SLC16A14: variants seen among roughly 807,000 people sequenced by gnomAD.
SLC16A14 encodes the protein solute carrier family 16 member 14.
In SLC16A14, 14 loss-of-function variants were observed where a neutral mutation model predicts 35.8. The ratio of observed to expected loss-of-function variants is 0.39; its 90% CI spans 0.26 to 0.61. SLC16A14 has a LOEUF of 0.61. Ranked by LOEUF, SLC16A14 falls within the 20% of genes least tolerant of loss-of-function variation. The pLI is 0.51. For synonymous variants in SLC16A14, 248 were observed against 258.9 expected (o/e 0.96, Z 0.40); for missense variants, 533 against 655.0 (o/e 0.81, Z 2.03).
At chr2:230,059,948 T>C (rs770712444) in intron 1 of SLC16A14, among the ~76,000 whole-genome samples, 7 of 152,188 alleles carry the variant, frequency 4.6e-5, no homozygotes, top group Non-Finnish European at 1.0e-4. Flanking sequence ...TAAGTCCAAT[T>C]GATTACAATG....
chr2:230,067,696 CT>C (rs2106286857), intron 1 of SLC16A14, among the ~76,000 whole-genome samples: 1 of 152,336 alleles, frequency 6.6e-6, no homozygotes, highest in Non-Finnish European at 1.5e-5. Flanking sequence ...CCCGAATCAA[CT>C]TTTCCTCAGA....
At chr2:230,065,338 C>A (rs1377509383) in intron 1 of SLC16A14, among the ~76,000 whole-genome samples, 4 of 151,992 alleles carry the variant, frequency 2.6e-5, no homozygotes, top group Admixed American at 2.0e-4. Flanking sequence ...CTCATTGCAA[C>A]CTCTACCTTC....
intron 3 of SLC16A14, among the ~76,000 whole-genome samples, chr2:230,047,307 C>CTTTTTT (rs56262602): frequency 2.7e-5 from 3 of 110,336 alleles, no homozygotes; most frequent in Non-Finnish European, 5.4e-5. Context: ...TATCTGACTT[C>CTTTTTT]TTTTTTTTTT....
At chr2:230,066,168 G>T (rs2077793391) in intron 1 of SLC16A14, among the ~76,000 whole-genome samples, 1 of 152,104 alleles carries the variant, frequency 6.6e-6, no homozygotes, top group South Asian at 2.1e-4. Flanking sequence ...AGCCAGTGTG[G>T]TGGTGCGCAC....
At chr2:230,039,534 G>A (rs2077543373) in intron 4 of SLC16A14, among the ~76,000 whole-genome samples, 1 of 152,206 alleles carries the variant, frequency 6.6e-6, no homozygotes, top group African/African-American at 2.4e-5. Context: ...GTTGGCAACT[G>A]TGGACCATTG....
chr2:230,052,716 A>C (rs952941597), intron 2 of SLC16A14, among the ~76,000 whole-genome samples: 2 of 152,182 alleles, frequency 1.3e-5, no homozygotes, highest in African/African-American at 2.4e-5. Context: ...TAACTGCTAA[A>C]AACATTAACT....
intron 4 of SLC16A14, 78 bp downstream of exon 4, chr2:230,045,667 C>G: frequency 6.7e-7 from 1 of 1,503,336 alleles, no homozygotes. Context: ...TGGAAACCTT[C>G]TTCTTTATCT....
At chr2:230,060,454 C>T (rs781710876) in intron 1 of SLC16A14, among the ~76,000 whole-genome samples, 25 of 152,250 alleles carry the variant, frequency 1.6e-4, no homozygotes, top group African/African-American at 9.6e-5. Flanking sequence ...AGGGATCTCC[C>T]ACTTCAGCCT....
rs564205806 is a variant in SLC16A14, at chr2:230,056,373, G to A, written c.259+2721C>T. 4.6e-4 allele frequency among the ~76,000 whole-genome samples: 69 copies of A among 150,290 alleles called. 2 individuals carry two copies. The highest frequency in any genetic ancestry group is 1.6e-3 in the African/African-American group (64 of 40,930). On this transcript the variant is annotated intron_variant, in intron 2 of 4. Transcript: ENST00000295190. ...GGGTTCAAGCAATTCTCCTGCCTCAGCCTCCCGAGTAGCTGGGACTACAGG... is the reference window on the plus strand; with the variant it reads ...GGGTTCAAGCAATTCTCCTGCCTCAACCTCCCGAGTAGCTGGGACTACAGG...
intron 3 of SLC16A14, among the ~76,000 whole-genome samples, chr2:230,049,356 AGGCGTGAGCTACTGCCCCT>A (rs2077637868): frequency 6.6e-6 from 1 of 151,868 alleles, no homozygotes; most frequent in African/African-American, 2.4e-5. Context: ...TTGGGATTAC[AGGCGTGAGCTACTGCCCCT>A]GGCCTATTAT....
intron 2 of SLC16A14, among the ~76,000 whole-genome samples, chr2:230,052,354 T>C (rs2077668341): frequency 6.6e-6 from 1 of 152,246 alleles, no homozygotes; most frequent in Non-Finnish European, 1.5e-5. Flanking sequence ...GAAATTCACA[T>C]ACCGTAAGTT....
At position 230,049,798 on chromosome 2, in the gene SLC16A14, G is replaced by A. The variant is rs1462538607; in HGVS notation, c.366C>T (p.Asn122=). 4 of 1,614,024 alleles carry A rather than the reference G, an allele frequency of 2.5e-6. No homozygotes were observed. The highest frequency in any genetic ancestry group is 1.3e-5 in the African/African-American group (1 of 74,912). ...CAAAAGTAATGAAGAGATAATGCAC[G>A]TTTGCAGCATAGGCACTCAACACCC... The part of the protein sequence containing the change: ...LGWVLSAYAA[N]VHYLFITFGV... The change falls in exon 3 of 5, where the codon AAC becomes AAT. Residue 122 remains asparagine (N), a synonymous_variant. Transcript: ENST00000295190.
At chr2:230,041,096 A>G (rs1457782443) in intron 4 of SLC16A14, among the ~76,000 whole-genome samples, 1 of 152,182 alleles carries the variant, frequency 6.6e-6, no homozygotes, top group African/African-American at 2.4e-5. Flanking sequence ...TTCCCTGTTA[A>G]AGTGCATTTT....
intron 4 of SLC16A14, among the ~76,000 whole-genome samples, chr2:230,042,961 G>A (rs117259342): frequency 6.6e-5 from 10 of 152,270 alleles, no homozygotes; most frequent in East Asian, 5.8e-4. Context: ...TGTCTGAGAC[G>A]TTGCCCCAAT....
At chr2:230,039,639 T>TA (rs34373392) in intron 4 of SLC16A14, among the ~76,000 whole-genome samples, 10 of 152,252 alleles carry the variant, frequency 6.6e-5, no homozygotes, top group East Asian at 3.9e-4. Context: ...TCTACAATTT[T>TA]AAAAAAATCA....
At position 230,045,887 on chromosome 2, in the gene SLC16A14, C is replaced by A. The variant is rs376533591; in HGVS notation, c.1239G>T (p.Ala413=). 2.1e-5 allele frequency: 34 copies of A among 1,612,866 alleles called. No homozygotes were observed. In the East Asian group the frequency reaches 6.7e-4, roughly 32 times the overall value. The change falls in exon 4 of 5, where the codon GCG becomes GCT. Residue 413 remains alanine, a synonymous_variant. Transcript: ENST00000295190. ...HTYAGLAVIC[A]LIGFSSGYFS... ...AATAACCACTGGAAAACCCTATCAG[C>A]GCACAGATGACCGCCAGGCCAGCGT...
chr2:230,050,450 A>C (rs373732845), intron 2 of SLC16A14, among the ~76,000 whole-genome samples: 1 of 152,226 alleles, frequency 6.6e-6, no homozygotes, highest in African/African-American at 2.4e-5. Context: ...CTTCTTTCCA[A>C]ATAGAAAGAC....
chr2:230,059,194 G>A lies in SLC16A14; in HGVS notation c.159C>T (p.Ala53=). The A allele has an allele frequency of 6.2e-7, 1 of 1,614,160 alleles. No homozygotes were observed. Among genetic ancestry groups the A allele is most frequent in the Non-Finnish European group, 8.5e-7 (1 of 1,180,034 alleles). Reference sequence around the variant, plus strand: ...GCCATTCCACGTTGAGGACACCCAGGGCCATCTGGGAGCCCATGATGAGGA... The same window carrying A: ...GCCATTCCACGTTGAGGACACCCAGAGCCATCTGGGAGCCCATGATGAGGA... ...VHILIMGSQM[A]LGVLNVEWLE... is the part of the protein sequence containing the mutation. The change falls in exon 2 of 5, where the codon GCC becomes GCT. Residue 53 remains alanine (A), a synonymous_variant. Transcript: ENST00000295190.
chr2:230,053,416 G>A (rs923071998), intron 2 of SLC16A14, among the ~76,000 whole-genome samples: 13 of 152,156 alleles, frequency 8.5e-5, no homozygotes, highest in Admixed American at 7.9e-4. Context: ...AGTGTTTTAG[G>A]ATGAGATTAT....
Sources: gnomAD v4.1 joint callset for allele counts (sites outside exome capture counted in the v4.1 genomes callset) on GRCh38, gnomAD v4.1.1 for gene constraint, MANE v1.5 for transcripts, NCBI Gene and HGNC (gene_info 2026-07-23, HGNC 2026-07-21) for gene names.